Variants in CNTNAP5 observed in about 807,000 individuals in gnomAD.
CNTNAP5 encodes contactin associated protein family member 5.
A neutral mutation model predicts 150.2 loss-of-function variants in CNTNAP5; 72 were observed. The ratio of observed to expected loss-of-function variants is 0.48; its 90% CI spans 0.40 to 0.58. CNTNAP5 has a LOEUF of 0.58. Ranked by LOEUF, CNTNAP5 falls within the 20% of genes least tolerant of loss-of-function variation. The pLI, the probability that CNTNAP5 is intolerant of heterozygous loss-of-function variation, is 0.00. For synonymous variants in CNTNAP5, 672 were observed against 619.8 expected (o/e 1.08, Z -1.25); for missense variants, 1,636 against 1,626.2 (o/e 1.01, Z -0.10).
rs147212119 is a variant in CNTNAP5 at position 124,444,126 on chromosome 2, C to T, written c.734-2627C>T. Among the ~76,000 whole-genome samples, 548 of 152,050 alleles carry T rather than the reference C, an allele frequency of 3.6e-3. 4 individuals carry two copies. The highest frequency in any genetic ancestry group is 0.013 in the African/African-American group (526 of 41,458). ...GTGGTGGTGTTCTTTGTTCTATCTCCGTCACCTGGAGGCCACCTCCTGCCA... is the reference window on the plus strand; with the variant it reads ...GTGGTGGTGTTCTTTGTTCTATCTCTGTCACCTGGAGGCCACCTCCTGCCA... On this transcript the variant is annotated intron_variant, in intron 5 of 23. Coordinates refer to ENST00000682447, the MANE Select transcript of CNTNAP5 (RefSeq NM_001367498.1).
At chr2:124,046,661 A>G (rs990226114) in intron 1 of CNTNAP5, among the ~76,000 whole-genome samples, 1 of 152,158 alleles carries the variant, frequency 6.6e-6, no homozygotes, top group Non-Finnish European at 1.5e-5. Context: ...AGAAAAGAAG[A>G]CGATTGGGTT....
intron 12 of CNTNAP5, among the ~76,000 whole-genome samples, chr2:124,625,164 T>A (rs1264040432): frequency 6.6e-6 from 1 of 152,140 alleles, no homozygotes; most frequent in Non-Finnish European, 1.5e-5. Flanking sequence ...CTTAACTCAA[T>A]GCCATGGTGG....
chr2:124,657,449 C>T (rs1428684556), intron 13 of CNTNAP5, among the ~76,000 whole-genome samples: 1 of 152,126 alleles, frequency 6.6e-6, no homozygotes, highest in South Asian at 2.1e-4. Context: ...CTCTCTAATT[C>T]CACATCAACC....
At chr2:124,824,156 G>C (rs188447651) in intron 19 of CNTNAP5, among the ~76,000 whole-genome samples, 30 of 152,044 alleles carry the variant, frequency 2.0e-4, no homozygotes, top group Middle Eastern at 6.8e-3. Context: ...GACCTTAGGT[G>C]ATCTGCCCTC....
At chr2:124,721,479 C>A (rs1183462405) in intron 13 of CNTNAP5, among the ~76,000 whole-genome samples, 4 of 115,970 alleles carry the variant, frequency 3.4e-5, no homozygotes, top group Non-Finnish European at 7.3e-5. Flanking sequence ...GAGACTCCAT[C>A]TCAAAATAAA....
chr2:124,438,778 GT>G lies in CNTNAP5; in HGVS notation c.733+4100del, dbSNP rs36040295. ...TCAAATTGTACTAAATACTATAAAA[GT>G]TTTTTTTTAGTTGCCATTTTTTGAG... On this transcript the variant is annotated intron_variant, in intron 5 of 23. Coordinates refer to ENST00000682447, the MANE Select transcript of CNTNAP5 (RefSeq NM_001367498.1). 1.1e-4 allele frequency among the ~76,000 whole-genome samples: 16 copies of G among 151,702 alleles called. No individual in the cohort carries two copies. The East Asian group carries it at 2.9e-3, about 27-fold the overall frequency.
chr2:124,840,717 T>C (rs903104128), intron 19 of CNTNAP5, among the ~76,000 whole-genome samples: 3 of 152,098 alleles, frequency 2.0e-5, no homozygotes, highest in African/African-American at 7.2e-5. Flanking sequence ...ACCAAAGTTA[T>C]TCATGAGCTA....
intron 1 of CNTNAP5, among the ~76,000 whole-genome samples, chr2:124,154,487 G>T (rs1041456024): frequency 6.6e-6 from 1 of 152,108 alleles, no homozygotes; most frequent in Non-Finnish European, 1.5e-5. Context: ...CCCCTCCCCC[G>T]AGGTGCAGAA....
chr2:124,116,042 T>C (rs1413506790), intron 1 of CNTNAP5, among the ~76,000 whole-genome samples: 1 of 152,162 alleles, frequency 6.6e-6, no homozygotes, highest in Non-Finnish European at 1.5e-5. Flanking sequence ...TACATCTTCC[T>C]TCAGTTAACA....
intron 13 of CNTNAP5, among the ~76,000 whole-genome samples, chr2:124,649,796 G>T (rs1457268015): frequency 5.9e-5 from 9 of 152,160 alleles, no homozygotes; most frequent in Non-Finnish European, 1.2e-4. Context: ...AAAAAATTTA[G>T]TCTGAACTCC....
chr2:124,270,912 G>A (rs1024574206), intron 3 of CNTNAP5, among the ~76,000 whole-genome samples: 2 of 152,114 alleles, frequency 1.3e-5, no homozygotes, highest in African/African-American at 4.8e-5. Flanking sequence ...CCCCCATGTT[G>A]GGTTCCTAAG....
intron 6 of CNTNAP5, among the ~76,000 whole-genome samples, chr2:124,471,281 A>G (rs1391293660): frequency 6.6e-6 from 1 of 152,016 alleles, no homozygotes; most frequent in East Asian, 1.9e-4. Context: ...GAGGTCCTTC[A>G]CTTTCCTTGT....
chr2:124,027,455 A>G (rs1680926688), intron 1 of CNTNAP5, among the ~76,000 whole-genome samples: 1 of 152,266 alleles, frequency 6.6e-6, no homozygotes, highest in Non-Finnish European at 1.5e-5. Flanking sequence ...GATAAAAAAG[A>G]CAGAACATAC....
At chr2:124,072,348 G>A (rs1269095470) in intron 1 of CNTNAP5, among the ~76,000 whole-genome samples, 1 of 151,876 alleles carries the variant, frequency 6.6e-6, no homozygotes, top group Non-Finnish European at 1.5e-5. Flanking sequence ...TTTTACCACT[G>A]TTATTGAATA....
intron 3 of CNTNAP5, among the ~76,000 whole-genome samples, chr2:124,277,130 C>G (rs529895038): frequency 1.7e-4 from 26 of 152,256 alleles, no homozygotes; most frequent in African/African-American, 5.8e-4. Flanking sequence ...CAACCAAGAA[C>G]AGGCTGCTTT....
At position 124,914,623 on chromosome 2, in the gene CNTNAP5, C is replaced by T. The variant is rs180845663; in HGVS notation, c.*335C>T. On this transcript the variant is annotated 3_prime_UTR_variant, in exon 24 of 24. Transcript: ENST00000682447. ...TTCTAAAATGCACTGTTCAGTTTTC[C>T]AACCACTTGGTGGTTCAGGCTTGCT... is the stretch of plus-strand genomic sequence containing the variant. 8.6e-5 allele frequency: 16 copies of T among 186,886 alleles called. No homozygotes were observed. The highest frequency in any genetic ancestry group is 3.5e-4 in the African/African-American group (15 of 42,616). 11.6% of individuals were successfully genotyped at this position (186,886 alleles called of 1,614,324 possible). A position where few individuals can be genotyped will look rare whatever the true frequency, so the allele number is the denominator to read the frequency against.
chr2:124,740,079 T>C (rs1226751577), intron 13 of CNTNAP5, among the ~76,000 whole-genome samples: 1 of 149,792 alleles, frequency 6.7e-6, no homozygotes, highest in Non-Finnish European at 1.5e-5. Flanking sequence ...TATAATTTTA[T>C]GAATTATATA....
At chr2:124,615,544 C>T (rs1324213443) in intron 12 of CNTNAP5, among the ~76,000 whole-genome samples, 1 of 152,104 alleles carries the variant, frequency 6.6e-6, no homozygotes, top group Non-Finnish European at 1.5e-5. Flanking sequence ...TTGCTATTTC[C>T]ACCAAATCTG....
intron 3 of CNTNAP5, among the ~76,000 whole-genome samples, chr2:124,371,585 C>G (rs762025094): frequency 2.6e-5 from 4 of 152,066 alleles, no homozygotes; most frequent in Non-Finnish European, 4.4e-5. Context: ...CTTCTCCAAA[C>G]AGATCTAATA....
Sources: allele counts gnomAD v4.1 joint callset (sites outside exome capture counted in the v4.1 genomes callset), GRCh38; gene constraint gnomAD v4.1.1; transcripts MANE v1.5; gene names NCBI Gene and HGNC (gene_info 2026-07-23, HGNC 2026-07-21).